TAF4B: variants seen among roughly 807,000 people sequenced by gnomAD.
TAF4B encodes TATA-box binding protein associated factor 4b.
Under a neutral mutation model 86.4 loss-of-function variants are expected in TAF4B, and 38 were observed. The ratio of observed to expected loss-of-function variants is 0.44; its 90% CI spans 0.34 to 0.58. TAF4B has a LOEUF of 0.58. TAF4B is among the 20% of genes least tolerant of loss of function. TAF4B has a pLI of 0.02. For synonymous variants in TAF4B, 388 were observed against 391.2 expected, an observed-to-expected ratio of 0.99 and a Z score of 0.10; for missense variants, 988 against 1,027.6, an observed-to-expected ratio of 0.96 and a Z score of 0.53.
At chr18:26,274,539 G>A (rs2056359434) in intron 3 of TAF4B, 124 bp from the exon 4 acceptor site, 7 of 1,025,530 alleles carry the variant, frequency 6.8e-6, no homozygotes, top group Non-Finnish European at 1.0e-5. Context: ...TATTGCCTTA[G>A]ACTACTAGAG....
At chr18:26,359,014 C>G (rs1427070626) in intron 14 of TAF4B, among the ~76,000 whole-genome samples, 1 of 152,156 alleles carries the variant, frequency 6.6e-6, no homozygotes, top group Non-Finnish European at 1.5e-5. Context: ...CCTGCCCAAC[C>G]AGATGTAACC....
At chr18:26,349,832 G>A (rs565613492) in intron 13 of TAF4B, among the ~76,000 whole-genome samples, 2 of 152,294 alleles carry the variant, frequency 1.3e-5, no homozygotes, top group African/African-American at 2.4e-5. Flanking sequence ...CACCGAAATA[G>A]CATGTGACTG....
intron 9 of TAF4B, among the ~76,000 whole-genome samples, chr18:26,299,843 A>G (rs2056709892): frequency 6.6e-6 from 1 of 152,148 alleles, no homozygotes. Flanking sequence ...TTGAATGTGT[A>G]TAGATGCTTT....
At chr18:26,255,849 T>G in intron 1 of TAF4B, 5 of 1,340,554 alleles carry the variant, frequency 3.7e-6, no homozygotes, top group Non-Finnish European at 5.4e-6. Flanking sequence ...ACAACATGTC[T>G]TCTGTCTTTT....
chr18:26,265,259 A>G lies in TAF4B; in HGVS notation c.433A>G (p.Thr145Ala). 6.2e-7 allele frequency: 1 copy of G among 1,614,158 alleles called. No individual in the cohort carries two copies. ...VTRAETTSNI[T>A]SRPAVPANPQ... Reference sequence around the variant, plus strand: ...AAGAGCCGAGACCACAAGTAACATAACCTCAAGGCCAGCAGTACCAGCGAA... The same window carrying G: ...AAGAGCCGAGACCACAAGTAACATAGCCTCAAGGCCAGCAGTACCAGCGAA... Residue 145 changes from threonine (T) to alanine (A), a missense_variant, in exon 2 of 15, where the codon ACC becomes GCC. Thr to Ala is a moderately conservative substitution (Grantham distance 58). Coordinates refer to ENST00000269142, the MANE Select transcript of TAF4B (RefSeq NM_005640.3).
intron 9 of TAF4B, among the ~76,000 whole-genome samples, chr18:26,315,021 T>C (rs1183939090): frequency 6.6e-6 from 1 of 151,870 alleles, no homozygotes; most frequent in Non-Finnish European, 1.5e-5. Context: ...TCTTCACTTC[T>C]CTTGATTGGA....
chr18:26,342,614 C>T (rs56025642), intron 13 of TAF4B, among the ~76,000 whole-genome samples: 4,136 of 152,244 alleles, frequency 0.027, 175 homozygotes, highest in African/African-American at 0.095. Flanking sequence ...AAAGGCTGTA[C>T]TACCATGAGT....
At position 26,323,089 on chromosome 18, in the gene TAF4B, A is replaced by T. The variant is rs548662015; in HGVS notation, c.2133+1889A>T. On this transcript the variant is annotated intron_variant, in intron 11 of 14. Coordinates refer to ENST00000269142, the MANE Select transcript of TAF4B (RefSeq NM_005640.3). ...TCTAGCTGTATTCCGTTGTGGTCAG[A>T]GAAGATACTTTGTATGAATCATTCA... 2.6e-5 allele frequency among the ~76,000 whole-genome samples: 4 copies of T among 152,316 alleles called. No homozygotes were observed. The South Asian group carries it at 8.3e-4, about 32-fold the overall frequency.
intron 9 of TAF4B, among the ~76,000 whole-genome samples, chr18:26,300,330 T>TATC (rs1183127616): frequency 2.7e-5 from 4 of 149,170 alleles, no homozygotes; most frequent in Non-Finnish European, 5.9e-5. Context: ...TTATTATTAT[T>TATC]ATTATTAATG....
intron 13 of TAF4B, among the ~76,000 whole-genome samples, chr18:26,353,600 TC>T: frequency 1.3e-5 from 2 of 152,314 alleles, no homozygotes; most frequent in Middle Eastern, 6.8e-3. Context: ...TGAAGAGACT[TC>T]CTGAGGCTGA....
chr18:26,299,970 CTCTT>C (rs1243845714), intron 9 of TAF4B, among the ~76,000 whole-genome samples: 1 of 151,832 alleles, frequency 6.6e-6, no homozygotes, highest in Admixed American at 6.6e-5. Context: ...TGTAGTCTCT[CTCTT>C]TTTATTAGTA....
chr18:26,344,803 A>G (rs1483093997), intron 13 of TAF4B, among the ~76,000 whole-genome samples: 1 of 120,284 alleles, frequency 8.3e-6, no homozygotes, highest in African/African-American at 3.3e-5. Context: ...AATGTCAGAG[A>G]GAGCGCTGGA....
At chr18:26,351,450 G>T (rs1401687788) in intron 13 of TAF4B, among the ~76,000 whole-genome samples, 2 of 152,098 alleles carry the variant, frequency 1.3e-5, no homozygotes, top group African/African-American at 4.8e-5. Flanking sequence ...CTATAGCACT[G>T]TAGGATGACT....
chr18:26,350,431 G>A (rs147939198), intron 13 of TAF4B, among the ~76,000 whole-genome samples: 42 of 152,338 alleles, frequency 2.8e-4, no homozygotes, highest in African/African-American at 1.0e-3. Context: ...CAACACTTGG[G>A]AAGGAAGATG....
chr18:26,298,409 T>C (rs1395742982), intron 9 of TAF4B, among the ~76,000 whole-genome samples: 1 of 151,950 alleles, frequency 6.6e-6, no homozygotes, highest in Non-Finnish European at 1.5e-5. Context: ...TGTTTTTGTA[T>C]TTTTAGTAGA....
chr18:26,307,682 A>T (rs1289301002), intron 9 of TAF4B, among the ~76,000 whole-genome samples: 1 of 152,246 alleles, frequency 6.6e-6, no homozygotes, highest in African/African-American at 2.4e-5. Context: ...ATAGGACCAG[A>T]TTATGTGCTG....
chr18:26,294,800 A>C (rs2056641732), intron 9 of TAF4B, among the ~76,000 whole-genome samples: 1 of 150,288 alleles, frequency 6.7e-6, no homozygotes, highest in African/African-American at 2.4e-5. Flanking sequence ...ATAGATGGGA[A>C]TTAAAGGATG....
At chr18:26,263,255 A>G (rs1372828004) in intron 1 of TAF4B, among the ~76,000 whole-genome samples, 1 of 152,190 alleles carries the variant, frequency 6.6e-6, no homozygotes, top group South Asian at 2.1e-4. Flanking sequence ...TGCCTGGCCA[A>G]TAATTACTTT....
chr18:26,226,552 A>C lies in TAF4B; in HGVS notation c.-382A>C. ...GTAGTTTTGAAATTTCTGGCGGGGG[A>C]GCAGCTGCGCAGTTAGGCTCGAGGT... On this transcript the variant is annotated 5_prime_UTR_variant, in exon 1 of 15. Coordinates refer to ENST00000269142, the MANE Select transcript of TAF4B (RefSeq NM_005640.3). The C allele has an allele frequency of 5.9e-6, 1 of 170,344 alleles. No homozygotes were observed. The highest frequency in any genetic ancestry group is 1.2e-5 in the Non-Finnish European group (1 of 80,574). The allele number at this position is 170,344 out of a possible 1,614,324, so 10.6% of individuals were successfully genotyped here. A position where few individuals can be genotyped will look rare whatever the true frequency, so the allele number is the denominator to read the frequency against.
Sources: gnomAD v4.1 joint callset for allele counts (sites outside exome capture counted in the v4.1 genomes callset) on GRCh38, gnomAD v4.1.1 for gene constraint, MANE v1.5 for transcripts, NCBI Gene and HGNC (gene_info 2026-07-23, HGNC 2026-07-21) for gene names.